The following HSF2BP variants were observed in gnomAD, a reference collection of about 807,000 sequenced individuals.
HSF2BP encodes the protein heat shock transcription factor 2 binding protein, also known as heat shock factor 2-binding protein.
HSF2BP carries 35 observed loss-of-function variants against 35.0 expected under a neutral mutation model. The ratio of observed to expected loss-of-function variants is 1.00; its 90% CI spans 0.76 to 1.32. The LOEUF (loss-of-function observed/expected upper bound fraction) is 1.32, where lower values mean the gene tolerates loss of function less well. Ranked by LOEUF, HSF2BP falls within the 40% of genes most tolerant of loss-of-function variation. The probability of loss-of-function intolerance (pLI) is 0.00; values close to 1 mark genes in which losing one functional copy is unlikely to be tolerated. For synonymous variants in HSF2BP, 114 were observed against 117.4 expected, an observed-to-expected ratio of 0.97 and a Z score of 0.18; for missense variants, 326 against 321.7, an observed-to-expected ratio of 1.01 and a Z score of -0.10.
chr21:43,630,381 A>G lies in HSF2BP; in HGVS notation c.515T>C (p.Val172Ala). 6.2e-7 allele frequency: 1 copy of G among 1,613,636 alleles called. No homozygotes were observed. Among genetic ancestry groups the G allele is most frequent in the South Asian group, 1.1e-5 (1 of 90,922 alleles). The change falls in exon 6 of 9, where the codon GTC becomes GCC. Residue 172 changes from valine to alanine, a missense_variant. Transcript: ENST00000291560. The part of the protein sequence containing the change: ...ESFVKSLDGD[V>A]QELDSDESQF... ...ACTTTCATCCGAATCCAGCTCCTGG[A>G]CATCACCGTCTAACGACTTCACAAA... is the stretch of plus-strand genomic sequence containing the variant.
chr21:43,623,332 T>C (rs919568271), intron 6 of HSF2BP, among the ~76,000 whole-genome samples: 1 of 152,154 alleles, frequency 6.6e-6, no homozygotes, highest in African/African-American at 2.4e-5. Context: ...GGGAAGTTTA[T>C]AGCAATAAAT....
intron 4 of HSF2BP, among the ~76,000 whole-genome samples, chr21:43,638,481 T>C (rs1295664898): frequency 1.3e-5 from 2 of 152,034 alleles, no homozygotes; most frequent in Non-Finnish European, 2.9e-5. Flanking sequence ...TATGTGCTAA[T>C]TAAAAAATGG....
intron 7 of HSF2BP, among the ~76,000 whole-genome samples, chr21:43,612,861 G>A (rs986788830): frequency 3.9e-5 from 6 of 152,064 alleles, no homozygotes; most frequent in Non-Finnish European, 8.8e-5. Context: ...CACTCAGAAC[G>A]AACAGTGTGA....
At chr21:43,588,120 G>A (rs1601626941) in intron 8 of HSF2BP, among the ~76,000 whole-genome samples, 1 of 152,166 alleles carries the variant, frequency 6.6e-6, no homozygotes, top group Admixed American at 6.5e-5. Flanking sequence ...GCTCACGCCT[G>A]TAATCCCGGC....
intron 3 of HSF2BP, among the ~76,000 whole-genome samples, chr21:43,650,844 A>G (rs926804917): frequency 2.0e-5 from 3 of 151,688 alleles, no homozygotes; most frequent in African/African-American, 7.3e-5. Flanking sequence ...AGTAGCCAGG[A>G]TTACAGGTAC....
At chr21:43,603,319 G>C (rs530118294) in intron 7 of HSF2BP, among the ~76,000 whole-genome samples, 7 of 152,326 alleles carry the variant, frequency 4.6e-5, no homozygotes, top group Non-Finnish European at 8.8e-5. Flanking sequence ...CCCACACCAG[G>C]CCCTGGGAGC....
intron 2 of HSF2BP, chr21:43,657,707 G>T: frequency 5.0e-6 from 2 of 402,536 alleles, no homozygotes; most frequent in Non-Finnish European, 6.7e-6. Context: ...TAAGCCTGAC[G>T]CTAAGTCCCG....
Position 43,602,154 on chromosome 21 carries a change from A to G in HSF2BP, c.693-9826T>C, listed in dbSNP as rs193148973. Among the ~76,000 whole-genome samples, 223 of 152,366 alleles carry G rather than the reference A, an allele frequency of 1.5e-3. 2 individuals are homozygous for G. The highest frequency in any genetic ancestry group is 0.013 in the Admixed American group (197 of 15,306). On this transcript the variant is annotated intron_variant, in intron 7 of 8. Transcript: ENST00000291560. ...TCCACACTCTCCAGAAGTTTACAGG[A>G]AACGGGAGAGAGACAAACAAAGCAA...
chr21:43,606,971 C>T (rs1275670276), intron 7 of HSF2BP, among the ~76,000 whole-genome samples: 2 of 152,102 alleles, frequency 1.3e-5, no homozygotes, highest in African/African-American at 2.4e-5. Context: ...TAGAGATATC[C>T]ACTCTTACCG....
At chr21:43,621,958 C>A (rs1051574452) in intron 6 of HSF2BP, among the ~76,000 whole-genome samples, 2 of 152,062 alleles carry the variant, frequency 1.3e-5, no homozygotes, top group African/African-American at 4.8e-5. Flanking sequence ...AGAGCTACAG[C>A]GACCTATTAA....
intron 7 of HSF2BP, among the ~76,000 whole-genome samples, chr21:43,594,169 G>A (rs1241971757): frequency 6.6e-6 from 1 of 151,968 alleles, no homozygotes; most frequent in African/African-American, 2.4e-5. Context: ...CAACAAAAGA[G>A]GTAAAGTAAA....
intron 8 of HSF2BP, among the ~76,000 whole-genome samples, chr21:43,573,960 G>A (rs2081608125): frequency 6.6e-6 from 1 of 152,224 alleles, no homozygotes; most frequent in Non-Finnish European, 1.5e-5. Flanking sequence ...CATGGGACAA[G>A]AGCATCCCAG....
intron 6 of HSF2BP, among the ~76,000 whole-genome samples, chr21:43,620,070 G>A (rs546386096): frequency 2.6e-5 from 4 of 152,284 alleles, no homozygotes; most frequent in Non-Finnish European, 5.9e-5. Context: ...AGAAAAAAAG[G>A]AAGAAATTCA....
chr21:43,639,872 A>AC (rs897933879), intron 4 of HSF2BP, among the ~76,000 whole-genome samples: 24 of 152,336 alleles, frequency 1.6e-4, no homozygotes, highest in Admixed American at 6.5e-4. Context: ...AGAAAAAAAA[A>AC]CCGTAAGAAC....
chr21:43,601,304 A>G (rs910012032), intron 7 of HSF2BP, among the ~76,000 whole-genome samples: 1 of 151,932 alleles, frequency 6.6e-6, no homozygotes, highest in Non-Finnish European at 1.5e-5. Context: ...TAATCATCAG[A>G]CTGTGATTTT....
chr21:43,638,898 G>A (rs1359079965), intron 4 of HSF2BP, among the ~76,000 whole-genome samples: 1 of 152,222 alleles, frequency 6.6e-6, no homozygotes, highest in Non-Finnish European at 1.5e-5. Context: ...TTTATCCAGT[G>A]TTAAGGCTTA....
At chr21:43,642,177 G>A (rs577193975) in intron 4 of HSF2BP, among the ~76,000 whole-genome samples, 1 of 151,944 alleles carries the variant, frequency 6.6e-6, no homozygotes, top group African/African-American at 2.4e-5. Context: ...CAATAGAATT[G>A]TTCTTGTAAA....
Position 43,658,241 on chromosome 21 carries a change from T to G in HSF2BP, c.-145A>C. ...ACCTCCCAGAATTTGCGCAGTATTCTCGGCCTAGAGAGCGAGGAGTGGCCT... is the reference window on the plus strand; with the variant it reads ...ACCTCCCAGAATTTGCGCAGTATTCGCGGCCTAGAGAGCGAGGAGTGGCCT... On this transcript the variant is annotated 5_prime_UTR_variant, in exon 2 of 9. Transcript: ENST00000291560. 1 of 983,764 alleles carries G rather than the reference T, an allele frequency of 1.0e-6. No homozygotes were observed. The highest frequency in any genetic ancestry group is 3.1e-5 in the Admixed American group (1 of 32,008). 60.9% of individuals were successfully genotyped at this position (983,764 alleles called of 1,614,324 possible).
chr21:43,592,392 C>T, intron 7 of HSF2BP, 64 bp from the exon 8 acceptor site: 1 of 1,049,114 alleles, frequency 9.5e-7, no homozygotes, highest in Non-Finnish European at 1.5e-6. Flanking sequence ...CCTAAACATA[C>T]CTACTAGTTA....
Sources: allele counts gnomAD v4.1 joint callset (sites outside exome capture counted in the v4.1 genomes callset), GRCh38; gene constraint gnomAD v4.1.1; transcripts MANE v1.5; gene names NCBI Gene and HGNC (gene_info 2026-07-23, HGNC 2026-07-21).